SUGCT: variants seen among roughly 807,000 people sequenced by gnomAD.
SUGCT encodes succinyl-CoA:glutarate CoA-transferase.
A neutral mutation model predicts 55.0 loss-of-function variants in SUGCT; 41 were observed. That is an observed-to-expected ratio of 0.74 (90% CI 0.58 to 0.97). The LOEUF is 0.97. SUGCT is among the 50% of genes least tolerant of loss of function. The pLI, the probability that SUGCT is intolerant of heterozygous loss-of-function variation, is 0.00. For synonymous variants in SUGCT, 187 were observed against 200.4 expected, an observed-to-expected ratio of 0.93 and a Z score of 0.56; for missense variants, 568 against 547.8, an observed-to-expected ratio of 1.04 and a Z score of -0.37.
intron 12 of SUGCT, among the ~76,000 whole-genome samples, chr7:40,585,654 G>A (rs773359641): frequency 1.1e-4 from 16 of 152,066 alleles, no homozygotes; most frequent in African/African-American, 2.2e-4. Context: ...GATTTCAGGC[G>A]TGAGCCACCA....
At chr7:40,495,780 T>C (rs1279998155) in intron 11 of SUGCT, among the ~76,000 whole-genome samples, 1 of 152,220 alleles carries the variant, frequency 6.6e-6, no homozygotes, top group Non-Finnish European at 1.5e-5. Context: ...GTTGTGCTGG[T>C]TAGTAAATCA....
chr7:40,829,892 G>A (rs1203579), intron 13 of SUGCT, among the ~76,000 whole-genome samples: 10,614 of 152,252 alleles, frequency 0.07, 1,238 homozygotes, highest in African/African-American at 0.24. Context: ...CTCAATTCAT[G>A]TAGCATGTGG....
the SUGCT span, among the ~76,000 whole-genome samples, chr7:40,907,754 A>G: frequency 3.3e-5 from 5 of 152,222 alleles, no homozygotes; most frequent in Non-Finnish European, 7.3e-5. Flanking sequence ...TCAGAATTGC[A>G]TAAAGATGAG....
chr7:40,687,109 T>C (rs1336038237), intron 12 of SUGCT, among the ~76,000 whole-genome samples: 1 of 152,184 alleles, frequency 6.6e-6, no homozygotes, highest in African/African-American at 2.4e-5. Flanking sequence ...TAAAATGTTG[T>C]TACCATCTAT....
chr7:40,983,110 C>T, the SUGCT span, among the ~76,000 whole-genome samples: 1 of 152,180 alleles, frequency 6.6e-6, no homozygotes, highest in Non-Finnish European at 1.5e-5. Flanking sequence ...ATGCACAAGT[C>T]GACTGTGTTT....
intron 9 of SUGCT, among the ~76,000 whole-genome samples, chr7:40,442,935 A>C (rs954343749): frequency 1.3e-5 from 2 of 151,974 alleles, no homozygotes; most frequent in Non-Finnish European, 2.9e-5. Context: ...AAGTGTTCTC[A>C]TTGTTCAATT....
At chr7:40,830,983 A>G (rs1176396692) in intron 13 of SUGCT, among the ~76,000 whole-genome samples, 3 of 152,210 alleles carry the variant, frequency 2.0e-5, no homozygotes, top group Non-Finnish European at 2.9e-5. Context: ...ACATTTACAC[A>G]ATTTGATCTT....
intron 13 of SUGCT, among the ~76,000 whole-genome samples, chr7:40,757,317 A>G (rs1362619761): frequency 3.9e-5 from 6 of 152,198 alleles, no homozygotes; most frequent in African/African-American, 1.2e-4. Flanking sequence ...ATCTCCATCA[A>G]CTATGCTTAT....
chr7:41,032,766 GTTTA>G, the SUGCT span, among the ~76,000 whole-genome samples: 1 of 152,258 alleles, frequency 6.6e-6, no homozygotes, highest in African/African-American at 2.4e-5. Context: ...GTTTTTGTTT[GTTTA>G]TTTGTTTGTT....
At chr7:40,794,081 T>G (rs1024496660) in intron 13 of SUGCT, among the ~76,000 whole-genome samples, 15 of 152,150 alleles carry the variant, frequency 9.9e-5, no homozygotes, top group African/African-American at 2.9e-4. Context: ...TTTGATAATC[T>G]AATAGCTGAA....
intron 9 of SUGCT, among the ~76,000 whole-genome samples, chr7:40,430,444 A>C (rs562862352): frequency 1.3e-5 from 2 of 152,256 alleles, no homozygotes; most frequent in East Asian, 1.9e-4. Context: ...TTTAATGTAC[A>C]TGTTGGCTAT....
chr7:40,268,671 T>C (rs761875321), intron 7 of SUGCT, among the ~76,000 whole-genome samples: 2 of 151,656 alleles, frequency 1.3e-5, no homozygotes, highest in Admixed American at 1.3e-4. Flanking sequence ...TTTTTCCGAG[T>C]TGGAGTCTTG....
chr7:40,899,938 A>G, the SUGCT span, among the ~76,000 whole-genome samples: 1 of 152,170 alleles, frequency 6.6e-6, no homozygotes, highest in Non-Finnish European at 1.5e-5. Flanking sequence ...AAGGCAGCCC[A>G]GGCCTGGAGT....
rs1406673057 is a variant in SUGCT at position 40,663,403 on chromosome 7, T to C, written c.1090-86031T>C. ...TCTGACATTTTGGTGTATTTCTTTC[T>C]CTCGTTGGTCTCCATCTCTGTCCCT... On this transcript the variant is annotated intron_variant, in intron 12 of 13. Coordinates refer to ENST00000335693, the MANE Select transcript of SUGCT (RefSeq NM_001193313.2). Among the ~76,000 whole-genome samples the C allele has an allele frequency of 2.0e-5, 3 of 152,200 alleles. No individual in the cohort carries two copies. The East Asian group carries it at 5.8e-4, about 29-fold the overall frequency.
chr7:40,549,543 T>A (rs958293856), intron 12 of SUGCT, among the ~76,000 whole-genome samples: 1 of 152,170 alleles, frequency 6.6e-6, no homozygotes, highest in African/African-American at 2.4e-5. Flanking sequence ...AACTCTCTAG[T>A]ATGTCAGTTT....
chr7:40,994,439 C>T, the SUGCT span, among the ~76,000 whole-genome samples: 52,701 of 152,000 alleles, frequency 0.35, 10,205 homozygotes, highest in Admixed American at 0.5. Context: ...CCTAATATTG[C>T]TGTTTTCTAA....
chr7:40,859,327 G>T (rs992815549), intron 13 of SUGCT, among the ~76,000 whole-genome samples: 2 of 152,206 alleles, frequency 1.3e-5, no homozygotes, highest in African/African-American at 2.4e-5. Flanking sequence ...GGCCTTTAAT[G>T]GGAGACAGTT....
chr7:40,262,495 CAA>C (rs67739412), intron 7 of SUGCT, among the ~76,000 whole-genome samples: 245 of 122,016 alleles, frequency 2.0e-3, no homozygotes, highest in Middle Eastern at 4.1e-3. Flanking sequence ...ACCGAAAATA[CAA>C]AAAAAAAAAA....
chr7:40,546,432 T>C (rs1271710645), intron 12 of SUGCT, among the ~76,000 whole-genome samples: 1 of 152,202 alleles, frequency 6.6e-6, no homozygotes, highest in Non-Finnish European at 1.5e-5. Flanking sequence ...GTAATTGATA[T>C]TGTAAAGAGT....
Sources: gnomAD v4.1 joint callset for allele counts (sites outside exome capture counted in the v4.1 genomes callset) on GRCh38, gnomAD v4.1.1 for gene constraint, MANE v1.5 for transcripts, NCBI Gene and HGNC (gene_info 2026-07-23, HGNC 2026-07-21) for gene names.